ZDHHC20: variants seen among roughly 807,000 people sequenced by gnomAD.
ZDHHC20 encodes the protein zDHHC palmitoyltransferase 20, also known as palmitoyltransferase ZDHHC20.
A neutral mutation model predicts 57.8 loss-of-function variants in ZDHHC20; 43 were observed. The observed-to-expected ratio is 0.74, with a 90% CI of 0.58 to 0.96. The LOEUF is 0.96. Among genes scored for constraint, ZDHHC20 ranks in the 40% least tolerant of loss-of-function variants. The probability of loss-of-function intolerance (pLI) is 0.00; values close to 1 mark genes in which losing one functional copy is unlikely to be tolerated. For missense variants in ZDHHC20, 391 were observed against 441.1 expected, an observed-to-expected ratio of 0.89 and a Z score of 1.02; for synonymous variants, 157 against 153.0, an observed-to-expected ratio of 1.03 and a Z score of -0.19.
chr13:21,436,513 G>C (rs1882560507), intron 1 of ZDHHC20, among the ~76,000 whole-genome samples: 1 of 152,002 alleles, frequency 6.6e-6, no homozygotes, highest in African/African-American at 2.4e-5. Context: ...TATCTGCTCT[G>C]GTGCTCTGTG....
chr13:21,383,596 T>G (rs1384494981), intron 9 of ZDHHC20, among the ~76,000 whole-genome samples: 3 of 152,232 alleles, frequency 2.0e-5, no homozygotes, highest in African/African-American at 7.2e-5. Flanking sequence ...CCTATTAAGA[T>G]TATGATGCCT....
chr13:21,381,354 T>C (rs1475354959), intron 11 of ZDHHC20, 80 bp downstream of exon 11: 3 of 1,123,446 alleles, frequency 2.7e-6, no homozygotes, highest in Non-Finnish European at 3.9e-6. Flanking sequence ...TGTTACATTA[T>C]TTTGATTTTT....
In ZDHHC20 at chr13:21,408,769, A is replaced by G. The variant is rs180934161; in HGVS notation, c.370+4883T>C. 2.9e-3 allele frequency among the ~76,000 whole-genome samples: 447 copies of G among 152,238 alleles called. 2 individuals are homozygous for G. The highest frequency in any genetic ancestry group is 0.01 in the African/African-American group (422 of 41,536). The stretch of plus-strand genomic sequence containing the variant: ...GGGTTTGTCATAAATAGGTCTTATT[A>G]TTTTGAGATGCGTTCCATCAATACC... On this transcript the variant is annotated intron_variant, in intron 4 of 12. Transcript: ENST00000400590.
At position 21,392,943 on chromosome 13, in the gene ZDHHC20, T is replaced by C. The variant is rs116823448; in HGVS notation, c.595-1089A>G. Among the ~76,000 whole-genome samples, 1,018 of 152,304 alleles carry C rather than the reference T, an allele frequency of 6.7e-3. 15 individuals are homozygous for C. The highest frequency in any genetic ancestry group is 0.023 in the African/African-American group (944 of 41,562). On this transcript the variant is annotated intron_variant, in intron 7 of 12. Coordinates refer to ENST00000400590, the MANE Select transcript of ZDHHC20 (RefSeq NM_001330059.2). ...CACAAAGATCATGAGAATGTCATGG[T>C]AATGATGTATTTTACCTTTGGACAA...
intron 11 of ZDHHC20, among the ~76,000 whole-genome samples, chr13:21,379,448 AT>A (rs1039815872): frequency 4.0e-5 from 6 of 151,534 alleles, no homozygotes; most frequent in Non-Finnish European, 8.8e-5. Context: ...GGCCTAGAAA[AT>A]TTTTTTCCCA....
intron 6 of ZDHHC20, 150 bp from the exon 7 acceptor site, chr13:21,400,643 A>G (rs1302440494): frequency 1.4e-6 from 1 of 720,602 alleles, no homozygotes; most frequent in South Asian, 1.7e-5. Context: ...GCAGGATGAA[A>G]AAGTTCTGGA....
intron 1 of ZDHHC20, among the ~76,000 whole-genome samples, chr13:21,431,953 G>GT (rs1882009460): frequency 6.6e-6 from 1 of 152,070 alleles, no homozygotes; most frequent in African/African-American, 2.4e-5. Context: ...TAATTTTGAT[G>GT]AAGTCTTAAT....
At chr13:21,386,740 G>A (rs1262753062) in intron 9 of ZDHHC20, among the ~76,000 whole-genome samples, 1 of 152,098 alleles carries the variant, frequency 6.6e-6, no homozygotes, top group Admixed American at 6.5e-5. Context: ...GTAGAGACCG[G>A]GTTTCACCAT....
chr13:21,452,198 G>A (rs1884508214), intron 1 of ZDHHC20, among the ~76,000 whole-genome samples: 1 of 151,610 alleles, frequency 6.6e-6, no homozygotes, highest in Non-Finnish European at 1.5e-5. Context: ...TGGGCTGGGG[G>A]TGGGAAGAAG....
At chr13:21,395,135 C>G (rs956661107) in intron 7 of ZDHHC20, among the ~76,000 whole-genome samples, 15 of 150,334 alleles carry the variant, frequency 1.0e-4, no homozygotes, top group Admixed American at 4.0e-4. Context: ...GGTGCAATCT[C>G]AGCTCACTGC....
chr13:21,452,991 T>C (rs1884597149), intron 1 of ZDHHC20, among the ~76,000 whole-genome samples: 1 of 152,192 alleles, frequency 6.6e-6, no homozygotes. Context: ...ATAATCACAT[T>C]AAATGTAGAT....
chr13:21,429,003 T>G (rs1025879266), intron 1 of ZDHHC20, among the ~76,000 whole-genome samples: 1 of 152,216 alleles, frequency 6.6e-6, no homozygotes, highest in Non-Finnish European at 1.5e-5. Flanking sequence ...GACACTAACC[T>G]CATTTAGAGA....
rs1225851751 is a variant in ZDHHC20 at position 21,375,349 on chromosome 13, G to T, written c.*1347C>A. 8 of 271,468 alleles carry T rather than the reference G, an allele frequency of 2.9e-5. No individual in the cohort carries two copies. The highest frequency in any genetic ancestry group is 7.3e-5 in the African/African-American group (3 of 41,180). 16.8% of individuals were successfully genotyped at this position (271,468 alleles called of 1,614,324 possible). On this transcript the variant is annotated 3_prime_UTR_variant, in exon 13 of 13. Transcript: ENST00000400590. ...GAAGCAATCAATTATTTTGGGGGGGGTGTGTGTGTGTGTGTGTCTGTCTGT... is the reference window on the plus strand; with the variant it reads ...GAAGCAATCAATTATTTTGGGGGGGTTGTGTGTGTGTGTGTGTCTGTCTGT...
intron 7 of ZDHHC20, among the ~76,000 whole-genome samples, chr13:21,395,350 G>A (rs1876593006): frequency 6.6e-6 from 1 of 151,846 alleles, no homozygotes; most frequent in Non-Finnish European, 1.5e-5. Flanking sequence ...ACAGGTGTAA[G>A]CCACCGCGCC....
chr13:21,422,507 CCA>C (rs1880757954), intron 2 of ZDHHC20, among the ~76,000 whole-genome samples: 3 of 152,156 alleles, frequency 2.0e-5, no homozygotes. Context: ...AACAGAAACT[CCA>C]GTCACGCAGT....
intron 8 of ZDHHC20, among the ~76,000 whole-genome samples, chr13:21,388,587 T>A (rs1409073): frequency 0.25 from 38,289 of 152,000 alleles, 5,685 homozygotes; most frequent in South Asian, 0.33. Context: ...TAGGAACTCA[T>A]AAAATGGGTA....
rs1415383218 is a variant in ZDHHC20, at chr13:21,380,685, G to A, written c.1060+749C>T. Among the ~76,000 whole-genome samples the A allele has an allele frequency of 4.6e-5, 7 of 151,422 alleles. No homozygotes were observed. In the East Asian group the frequency reaches 6.1e-4, roughly 13 times the overall value. On this transcript the variant is annotated intron_variant, in intron 11 of 12. Transcript: ENST00000400590. ...CAACCACCTGTAGTCCCAGCTACTC[G>A]GGAGGCTGAGGCAGGGGAATCACTT...
At chr13:21,423,889 CTTG>C (rs1251792512) in intron 2 of ZDHHC20, among the ~76,000 whole-genome samples, 2 of 151,862 alleles carry the variant, frequency 1.3e-5, no homozygotes, top group African/African-American at 4.8e-5. Context: ...TTAAATCAGG[CTTG>C]TTGTTCCTCA....
At chr13:21,380,016 C>A (rs1215141252) in intron 11 of ZDHHC20, among the ~76,000 whole-genome samples, 1 of 151,740 alleles carries the variant, frequency 6.6e-6, no homozygotes, top group South Asian at 2.1e-4. Context: ...GGGGTTTCAC[C>A]ATGTTAGCCA....
Sources: allele counts gnomAD v4.1 joint callset (sites outside exome capture counted in the v4.1 genomes callset), GRCh38; gene constraint gnomAD v4.1.1; transcripts MANE v1.5; gene names NCBI Gene and HGNC (gene_info 2026-07-23, HGNC 2026-07-21).